BAZ1B: variants seen among roughly 807,000 people sequenced by gnomAD.
BAZ1B encodes the protein tyrosine-protein kinase BAZ1B.
A neutral mutation model predicts 153.8 loss-of-function variants in BAZ1B; 22 were observed. The ratio of observed to expected loss-of-function variants is 0.14; its 90% CI spans 0.10 to 0.20. The LOEUF (loss-of-function observed/expected upper bound fraction) is 0.20. Among genes scored for constraint, BAZ1B ranks in the 10% least tolerant of loss-of-function variants. BAZ1B has a pLI of 1.00. For synonymous variants in BAZ1B, 676 were observed against 633.4 expected (o/e 1.07, Z -1.01); for missense variants, 1,325 against 1,799.3 (o/e 0.74, Z 4.77).
intron 11 of BAZ1B, among the ~76,000 whole-genome samples, chr7:73,464,424 G>T (rs1345937342): frequency 1.3e-5 from 2 of 152,146 alleles, no homozygotes; most frequent in Admixed American, 1.3e-4. Context: ...AACCACACAT[G>T]TAATTCCAAA....
At chr7:73,465,562 A>G in intron 10 of BAZ1B, 25 bp from the exon 11 acceptor site, 1 of 1,471,936 alleles carries the variant, frequency 6.8e-7, no homozygotes, top group Non-Finnish European at 9.3e-7. Context: ...GAGACCTGAT[A>G]ACTCTGAAAA....
In BAZ1B at chr7:73,521,834, T is replaced by C; in HGVS notation, c.100A>G (p.Thr34Ala). 6.7e-7 allele frequency: 1 copy of C among 1,497,458 alleles called. No individual in the cohort carries two copies. The highest frequency in any genetic ancestry group is 1.5e-5 in the African/African-American group (1 of 68,308). The allele number at this position is 1,497,458 out of a possible 1,614,324, so 92.8% of individuals were successfully genotyped here. Residue 34 changes from threonine to alanine, a missense_variant, in exon 1 of 20, where the codon ACC becomes GCC. By Grantham distance (58) the Thr-to-Ala change is moderately conservative. This residue lies in a region of BAZ1B where 61 missense variants were observed against 61.5 expected (regional missense o/e 0.99). Coordinates refer to ENST00000339594, the MANE Select transcript of BAZ1B (RefSeq NM_032408.4). ...GCGGCTGGAAAAGGATACTCCCGGG[T>C]GCGGAAGGCCTCCTGAGTGTGCGGG... The part of the protein sequence containing the change: ...TIPHTQEAFR[T>A]REEYEARLER...
chr7:73,465,953 G>A (rs1788567994), intron 10 of BAZ1B, among the ~76,000 whole-genome samples: 1 of 152,082 alleles, frequency 6.6e-6, no homozygotes, highest in Non-Finnish European at 1.5e-5. Flanking sequence ...GAATAGCTAT[G>A]CATACAATTT....
chr7:73,510,971 G>A, intron 1 of BAZ1B, 119 bp from the exon 2 acceptor site: 2 of 815,694 alleles, frequency 2.5e-6, no homozygotes, highest in South Asian at 1.7e-5. Flanking sequence ...TAGCATGAGA[G>A]GATAAAAATG....
intron 7 of BAZ1B, among the ~76,000 whole-genome samples, chr7:73,473,024 C>T (rs1212382858): frequency 6.6e-6 from 1 of 152,050 alleles, no homozygotes; most frequent in African/African-American, 2.4e-5. Context: ...TCACTGCAAC[C>T]TCAGACTCCC....
intron 16 of BAZ1B, among the ~76,000 whole-genome samples, chr7:73,445,126 C>T (rs1583882178): frequency 6.6e-6 from 1 of 152,070 alleles, no homozygotes; most frequent in Non-Finnish European, 1.5e-5. Context: ...CTCAGTGAGC[C>T]CTGGGAAACA....
chr7:73,475,563 T>G (rs1554572641), intron 7 of BAZ1B, among the ~76,000 whole-genome samples: 1 of 152,194 alleles, frequency 6.6e-6, no homozygotes, highest in Non-Finnish European at 1.5e-5. Flanking sequence ...TGCTGGGGGA[T>G]GTGGACAAGG....
intron 6 of BAZ1B, among the ~76,000 whole-genome samples, chr7:73,484,187 G>A (rs1554574149): frequency 1.3e-5 from 2 of 152,074 alleles, no homozygotes; most frequent in Non-Finnish European, 2.9e-5. Context: ...AATCGCTGGA[G>A]CCCAGGAGGC....
intron 7 of BAZ1B, among the ~76,000 whole-genome samples, chr7:73,476,524 T>A (rs990181130): frequency 6.6e-6 from 1 of 152,186 alleles, no homozygotes. Flanking sequence ...AAAGGAACAC[T>A]GTACAGCTAA....
chr7:73,520,069 C>T lies in BAZ1B; in HGVS notation c.107+1758G>A, dbSNP rs138606345. ...CTAAAAACACAAAAAGTTAGCCGGGCGTGGTGGCACGCGCCTGTAATCCTA... is the reference window on the plus strand; with the variant it reads ...CTAAAAACACAAAAAGTTAGCCGGGTGTGGTGGCACGCGCCTGTAATCCTA... On this transcript the variant is annotated intron_variant, in intron 1 of 19. Transcript: ENST00000339594. 2.7e-4 allele frequency among the ~76,000 whole-genome samples: 41 copies of T among 152,066 alleles called. No homozygotes were observed. In the East Asian group the frequency reaches 5.6e-3, roughly 21 times the overall value.
chr7:73,474,514 G>A (rs1367481648), intron 7 of BAZ1B, among the ~76,000 whole-genome samples: 1 of 152,166 alleles, frequency 6.6e-6, no homozygotes, highest in Non-Finnish European at 1.5e-5. Flanking sequence ...GTGGCTCACA[G>A]CTGTAATCCC....
At chr7:73,442,614 A>G in intron 18 of BAZ1B, 61 bp from the exon 19 acceptor site, 4 of 1,558,942 alleles carry the variant, frequency 2.6e-6, no homozygotes, top group Non-Finnish European at 3.5e-6. Flanking sequence ...CCTGCCACTG[A>G]GACACGTCCT....
chr7:73,493,094 G>GC (rs1304274271), intron 4 of BAZ1B, among the ~76,000 whole-genome samples, 173 bp from the exon 5 acceptor site: 3 of 152,190 alleles, frequency 2.0e-5, no homozygotes, highest in Non-Finnish European at 4.4e-5. Context: ...AGGAGAGTCA[G>GC]CAAGTAAATA....
intron 11 of BAZ1B, chr7:73,464,164 T>G (rs1788493403): frequency 1.0e-6 from 1 of 984,848 alleles, no homozygotes. Context: ...GAGTATGTAC[T>G]GAATCATATT....
At chr7:73,442,678 C>T (rs782575589) in intron 18 of BAZ1B, 47 bp downstream of exon 18, 1 of 1,581,152 alleles carries the variant, frequency 6.3e-7, no homozygotes, top group South Asian at 1.1e-5. Flanking sequence ...GCTTTTAGAA[C>T]CAGCCAGGCC....
At chr7:73,456,860 C>T (rs889642663) in intron 13 of BAZ1B, among the ~76,000 whole-genome samples, 5 of 135,906 alleles carry the variant, frequency 3.7e-5, no homozygotes, top group Non-Finnish European at 7.6e-5. Context: ...GCAGGAGAAT[C>T]GCTTGAACCC....
chr7:73,458,674 CAAAAA>C (rs11385760), intron 13 of BAZ1B, among the ~76,000 whole-genome samples: 1 of 133,856 alleles, frequency 7.5e-6, no homozygotes. Flanking sequence ...ACTCTTTCTC[CAAAAA>C]AAAAAAAAAA....
intron 13 of BAZ1B, 80 bp downstream of exon 13, chr7:73,459,456 A>G: frequency 1.4e-6 from 2 of 1,445,430 alleles, no homozygotes; most frequent in South Asian, 2.6e-5. Flanking sequence ...TAGCAGCTAA[A>G]ATGCATAGGG....
At chr7:73,442,910 T>A in intron 17 of BAZ1B, 82 bp from the exon 18 acceptor site, 1 of 1,031,824 alleles carries the variant, frequency 9.7e-7, no homozygotes, top group Admixed American at 2.2e-5. Context: ...GTGTATCTGC[T>A]CAAAAAAGGA....
Sources: allele counts gnomAD v4.1 joint callset (sites outside exome capture counted in the v4.1 genomes callset), GRCh38; gene constraint gnomAD v4.1.1; regional missense constraint gnomAD v4.1.1; transcripts MANE v1.5; gene names NCBI Gene and HGNC (gene_info 2026-07-23, HGNC 2026-07-21).